IFT88: variants seen among roughly 807,000 people sequenced by gnomAD.
IFT88 encodes the protein intraflagellar transport 88, also known as intraflagellar transport protein 88 homolog.
Under a neutral mutation model 119.5 loss-of-function variants are expected in IFT88, and 74 were observed. That is an observed-to-expected ratio of 0.62 (90% confidence interval 0.51 to 0.75). The LOEUF (loss-of-function observed/expected upper bound fraction) is 0.75, where lower values mean the gene tolerates loss of function less well. Among genes scored for constraint, IFT88 ranks in the 30% least tolerant of loss-of-function variants. The pLI is 0.00. For missense variants in IFT88, 961 were observed against 977.7 expected (o/e 0.98, Z 0.23); for synonymous variants, 279 against 316.7 (o/e 0.88, Z 1.26).
At chr13:20,643,909 A>C (rs1216965333) in intron 19 of IFT88, among the ~76,000 whole-genome samples, 3 of 151,970 alleles carry the variant, frequency 2.0e-5, no homozygotes, top group Non-Finnish European at 2.9e-5. Flanking sequence ...GCCTGCCACC[A>C]CGTGCAGCTA....
intron 15 of IFT88, among the ~76,000 whole-genome samples, chr13:20,627,730 CAAAAAA>C (rs58325378): frequency 1.2e-5 from 1 of 80,258 alleles, no homozygotes; most frequent in Non-Finnish European, 2.4e-5. Context: ...GACTTCATCT[CAAAAAA>C]AAAAAAAAAA....
At chr13:20,657,209 G>A (rs571444277) in intron 22 of IFT88, among the ~76,000 whole-genome samples, 4 of 152,208 alleles carry the variant, frequency 2.6e-5, no homozygotes, top group South Asian at 2.1e-4. Flanking sequence ...AATATGCTGC[G>A]TACTCAGTTG....
chr13:20,634,421 C>T (rs1594456508), intron 16 of IFT88, among the ~76,000 whole-genome samples: 1 of 152,072 alleles, frequency 6.6e-6, no homozygotes, highest in Non-Finnish European at 1.5e-5. Context: ...ATGGGGCTTT[C>T]TAGCTGGGTA....
intron 24 of IFT88, 89 bp from the exon 25 acceptor site, chr13:20,690,616 T>A: frequency 1.2e-6 from 1 of 836,340 alleles, no homozygotes; most frequent in Admixed American, 2.0e-5. Context: ...GCTTGTTTCT[T>A]GGCAAATAAG....
At chr13:20,583,052 A>T in intron 3 of IFT88, 33 bp downstream of exon 3, 1 of 1,313,796 alleles carries the variant, frequency 7.6e-7, no homozygotes, top group Non-Finnish European at 1.1e-6. Flanking sequence ...AAATTGTGGT[A>T]AAAAATACAT....
At chr13:20,665,335 T>TA (rs2054512294) in intron 23 of IFT88, among the ~76,000 whole-genome samples, 1 of 152,126 alleles carries the variant, frequency 6.6e-6, no homozygotes, top group South Asian at 2.1e-4. Flanking sequence ...TTCCAGTTAT[T>TA]ACCAAAATGC....
intron 24 of IFT88, 89 bp downstream of exon 24, chr13:20,671,128 T>C: frequency 9.9e-7 from 1 of 1,007,106 alleles, no homozygotes; most frequent in Non-Finnish European, 1.5e-6. Context: ...TCTAAAGTGT[T>C]CTTATGTGTC....
chr13:20,617,917 C>G (rs2045893494), intron 14 of IFT88, among the ~76,000 whole-genome samples: 1 of 152,146 alleles, frequency 6.6e-6, no homozygotes, highest in Non-Finnish European at 1.5e-5. Context: ...CCTCAGCCTC[C>G]CGAGTAGCTG....
Position 20,625,852 on chromosome 13 carries a change from A to C in IFT88, c.1299+3A>C. 1 of 1,543,154 alleles carries C rather than the reference A, an allele frequency of 6.5e-7. No individual in the cohort carries two copies. The highest frequency in any genetic ancestry group is 8.8e-7 in the Non-Finnish European group (1 of 1,141,442). ...TGAGACAAAAAGACTATAACCAAGT[A>C]AGTTTTAAAAAAAATTTTAGATGGA... On this transcript the variant is annotated splice_donor_region_variant and intron_variant, in intron 15 of 25. Coordinates refer to ENST00000351808, the MANE Select transcript of IFT88 (RefSeq NM_006531.5).
intron 9 of IFT88, among the ~76,000 whole-genome samples, chr13:20,597,771 T>TATATATATATA (rs377601043): frequency 7.0e-6 from 1 of 141,980 alleles, no homozygotes; most frequent in South Asian, 2.2e-4. Flanking sequence ...ATATATATAT[T>TATATATATATA]TTTTTTTTGA....
At chr13:20,606,322 T>C (rs1156742132) in intron 13 of IFT88, among the ~76,000 whole-genome samples, 2 of 152,128 alleles carry the variant, frequency 1.3e-5, no homozygotes, top group Non-Finnish European at 2.9e-5. Flanking sequence ...CACCCAGTTG[T>C]AACAAAGCCC....
chr13:20,672,081 T>C (rs547866981), intron 24 of IFT88, among the ~76,000 whole-genome samples: 1 of 152,246 alleles, frequency 6.6e-6, no homozygotes, highest in East Asian at 1.9e-4. Context: ...GATGCTGCCA[T>C]GGTAGAGAAA....
Position 20,589,991 on chromosome 13 carries a change from C to T in IFT88, c.210+124C>T. On this transcript the variant is annotated intron_variant, in intron 4 of 25. Transcript: ENST00000351808. The stretch of plus-strand genomic sequence containing the variant: ...CCAAATATATTTTCTATTTTGGATA[C>T]TTACAAACATTATACAAGTCTAGTG... 5.9e-6 allele frequency: 3 copies of T among 507,832 alleles called. No individual in the cohort carries two copies. In the Admixed American group the frequency reaches 8.7e-5, roughly 15 times the overall value. 31.5% of individuals were successfully genotyped at this position (507,832 alleles called of 1,614,324 possible).
chr13:20,626,395 G>A (rs2047344288), intron 15 of IFT88, among the ~76,000 whole-genome samples: 1 of 152,068 alleles, frequency 6.6e-6, no homozygotes, highest in East Asian at 1.9e-4. Flanking sequence ...TCTTTGTATA[G>A]CATGGTTGCT....
chr13:20,609,218 T>C (rs891586448), intron 13 of IFT88, among the ~76,000 whole-genome samples: 4 of 152,322 alleles, frequency 2.6e-5, no homozygotes, highest in African/African-American at 9.6e-5. Context: ...CACATTTGGG[T>C]ATTTAGTAGG....
chr13:20,607,396 G>A, intron 13 of IFT88: 4 of 620,210 alleles, frequency 6.4e-6, no homozygotes, highest in Non-Finnish European at 1.2e-5. Context: ...CCATTTGGGT[G>A]GTCCTCCTGT....
intron 14 of IFT88, among the ~76,000 whole-genome samples, chr13:20,624,946 A>G (rs564180647): frequency 2.3e-4 from 35 of 152,322 alleles, no homozygotes; most frequent in African/African-American, 6.7e-4. Context: ...TATATAATAT[A>G]TTATTAACCA....
Position 20,638,601 on chromosome 13 carries a change from T to G in IFT88, c.1573+83T>G, listed in dbSNP as rs112783897. On this transcript the variant is annotated intron_variant, in intron 17 of 25. Transcript: ENST00000351808. ...TTGTTTTGTTTTGCTTAAAGAGCTC[T>G]AACACATTAGGAGGAGGAGTTGACT... The G allele has an allele frequency of 7.1e-6, 6 of 846,450 alleles. No homozygotes were observed. The African/African-American group carries it at 1.1e-4, about 16-fold the overall frequency. The allele number at this position is 846,450 out of a possible 1,614,324, so 52.4% of individuals were successfully genotyped here. A position where few individuals can be genotyped will look rare whatever the true frequency, so the allele number is the denominator to read the frequency against.
At position 20,643,359 on chromosome 13, in the gene IFT88, G is replaced by A. The variant is rs574702184; in HGVS notation, c.1683-96G>A. On this transcript the variant is annotated intron_variant, in intron 18 of 25. Coordinates refer to ENST00000351808, the MANE Select transcript of IFT88 (RefSeq NM_006531.5). ...AAACAGTATACAATAGCACATTACT[G>A]TAGGCTAAGAAATATTGTTACTGTA... 6 of 937,438 alleles carry A rather than the reference G, an allele frequency of 6.4e-6. No individual in the cohort carries two copies. The Admixed American group carries it at 1.2e-4, about 19-fold the overall frequency. 58.1% of individuals were successfully genotyped at this position (937,438 alleles called of 1,614,324 possible). A position where few individuals can be genotyped will look rare whatever the true frequency, so the allele number is the denominator to read the frequency against.
Sources: allele counts gnomAD v4.1 joint callset (sites outside exome capture counted in the v4.1 genomes callset), GRCh38; gene constraint gnomAD v4.1.1; transcripts MANE v1.5; gene names NCBI Gene and HGNC (gene_info 2026-07-23, HGNC 2026-07-21).